KHDRBS3: variants seen among roughly 807,000 people sequenced by gnomAD.
KHDRBS3 encodes KH domain-containing, RNA-binding, signal transduction-associated protein 3.
A neutral mutation model predicts 45.6 loss-of-function variants in KHDRBS3; 23 were observed. The ratio of observed to expected loss-of-function variants is 0.50; its 90% CI spans 0.36 to 0.72. KHDRBS3 has a LOEUF of 0.72. Among genes scored for constraint, KHDRBS3 ranks in the 30% least tolerant of loss-of-function variants. The pLI is 0.00. For synonymous variants in KHDRBS3, 162 were observed against 156.5 expected (o/e 1.04, Z -0.26); for missense variants, 352 against 424.8 (o/e 0.83, Z 1.51).
At chr8:135,542,822 G>T (rs761152954) in intron 3 of KHDRBS3, 52 bp downstream of exon 3, 1 of 1,177,056 alleles carries the variant, frequency 8.5e-7, no homozygotes, top group South Asian at 1.3e-5. Context: ...TATATTATGT[G>T]CTCTTATATT....
At chr8:135,583,370 C>G (rs1239230079) in intron 6 of KHDRBS3, among the ~76,000 whole-genome samples, 1 of 152,164 alleles carries the variant, frequency 6.6e-6, no homozygotes, top group African/African-American at 2.4e-5. Flanking sequence ...GTTCCTACTT[C>G]CTAATAATCT....
intron 1 of KHDRBS3, among the ~76,000 whole-genome samples, chr8:135,459,108 T>C (rs1428645708): frequency 2.0e-5 from 3 of 152,202 alleles, no homozygotes; most frequent in Non-Finnish European, 4.4e-5. Flanking sequence ...TCGGATCTGC[T>C]GCTCTTAGTG....
intron 1 of KHDRBS3, among the ~76,000 whole-genome samples, chr8:135,468,905 T>G (rs1282431507): frequency 6.6e-6 from 1 of 152,238 alleles, no homozygotes; most frequent in Non-Finnish European, 1.5e-5. Context: ...AAACATAATG[T>G]GCACAATATG....
At chr8:135,613,806 A>C (rs893344735) in intron 7 of KHDRBS3, among the ~76,000 whole-genome samples, 2 of 151,654 alleles carry the variant, frequency 1.3e-5, no homozygotes, top group African/African-American at 2.4e-5. Flanking sequence ...TAAGACAGCA[A>C]GGCGGCCTGG....
intron 1 of KHDRBS3, among the ~76,000 whole-genome samples, chr8:135,514,850 C>T (rs1298392709): frequency 6.6e-6 from 1 of 152,118 alleles, no homozygotes; most frequent in South Asian, 2.1e-4. Flanking sequence ...GGCGGCAGAT[C>T]ATATATTTGT....
intron 7 of KHDRBS3, among the ~76,000 whole-genome samples, chr8:135,628,184 C>T (rs1830453625): frequency 6.6e-6 from 1 of 152,090 alleles, no homozygotes; most frequent in South Asian, 2.1e-4. Context: ...TGAGTTCCTA[C>T]AGAACTCTGG....
chr8:135,585,973 G>A (rs563656582), intron 6 of KHDRBS3, among the ~76,000 whole-genome samples: 4 of 152,304 alleles, frequency 2.6e-5, no homozygotes, highest in Admixed American at 2.6e-4. Flanking sequence ...CTAAGTTACT[G>A]TTGTCTTCTA....
intron 1 of KHDRBS3, among the ~76,000 whole-genome samples, chr8:135,461,087 T>A (rs1297843751): frequency 6.6e-6 from 1 of 152,184 alleles, no homozygotes; most frequent in African/African-American, 2.4e-5. Flanking sequence ...TAAATGAATT[T>A]GTTTCCCGAA....
chr8:135,634,969 A>G lies in KHDRBS3; in HGVS notation c.891-10090A>G, dbSNP rs112427470. ...TGGTTCTGAAAGTTTTTGATCTCACAATCCCTGTATACTTCATACTCTTAA... is the reference window on the plus strand; with the variant it reads ...TGGTTCTGAAAGTTTTTGATCTCACGATCCCTGTATACTTCATACTCTTAA... On this transcript the variant is annotated intron_variant, in intron 7 of 8. Transcript: ENST00000355849. Among the ~76,000 whole-genome samples the G allele has an allele frequency of 4.3e-3, 650 of 152,352 alleles. 11 individuals carry two copies. Among genetic ancestry groups the G allele is most frequent in the African/African-American group, 0.014 (593 of 41,592 alleles).
chr8:135,636,826 G>T (rs1045589847), intron 7 of KHDRBS3, among the ~76,000 whole-genome samples: 2 of 152,216 alleles, frequency 1.3e-5, no homozygotes, highest in African/African-American at 4.8e-5. Flanking sequence ...CATCAGAACT[G>T]GCCCCATGTA....
intron 1 of KHDRBS3, among the ~76,000 whole-genome samples, chr8:135,478,396 C>T (rs1480180533): frequency 6.6e-6 from 1 of 152,100 alleles, no homozygotes; most frequent in Non-Finnish European, 1.5e-5. Flanking sequence ...CTTCAATACC[C>T]CACTTTGAAT....
chr8:135,474,652 A>G (rs1822179252), intron 1 of KHDRBS3, among the ~76,000 whole-genome samples: 1 of 152,228 alleles, frequency 6.6e-6, no homozygotes, highest in South Asian at 2.1e-4. Flanking sequence ...TTATTTTAGA[A>G]TGAGGTGTAT....
At chr8:135,521,779 A>G (rs1824922021) in intron 2 of KHDRBS3, among the ~76,000 whole-genome samples, 1 of 152,168 alleles carries the variant, frequency 6.6e-6, no homozygotes, top group Non-Finnish European at 1.5e-5. Context: ...TGATTCTTGC[A>G]TACTGTTGTG....
At chr8:135,637,128 A>G (rs909783075) in intron 7 of KHDRBS3, among the ~76,000 whole-genome samples, 4 of 152,206 alleles carry the variant, frequency 2.6e-5, no homozygotes, top group Admixed American at 2.6e-4. Context: ...TCCTGGGGAA[A>G]TATTGTTAAA....
chr8:135,594,873 G>T (rs975294967), intron 6 of KHDRBS3, among the ~76,000 whole-genome samples: 1 of 152,190 alleles, frequency 6.6e-6, no homozygotes, highest in African/African-American at 2.4e-5. Flanking sequence ...CCAGGACCTA[G>T]CAGTGGGTAA....
chr8:135,601,479 A>G (rs543567583), intron 6 of KHDRBS3, among the ~76,000 whole-genome samples: 1 of 152,338 alleles, frequency 6.6e-6, no homozygotes, highest in South Asian at 2.1e-4. Context: ...AGAGCAGGCC[A>G]GAGACTTGCA....
At chr8:135,477,988 T>C (rs1404792415) in intron 1 of KHDRBS3, among the ~76,000 whole-genome samples, 2 of 152,140 alleles carry the variant, frequency 1.3e-5, no homozygotes, top group African/African-American at 4.8e-5. Context: ...TCCTGTCAGA[T>C]CAGCACCACC....
chr8:135,473,295 A>G (rs1822106688), intron 1 of KHDRBS3, among the ~76,000 whole-genome samples: 1 of 152,110 alleles, frequency 6.6e-6, no homozygotes, highest in Non-Finnish European at 1.5e-5. Context: ...CTTGGTTCAC[A>G]CTTTCCATTT....
At chr8:135,554,187 T>C (rs1363660920) in intron 4 of KHDRBS3, among the ~76,000 whole-genome samples, 1 of 152,196 alleles carries the variant, frequency 6.6e-6, no homozygotes, top group African/African-American at 2.4e-5. Flanking sequence ...TTTTCAAAGA[T>C]GATATCTTAA....
Sources: allele counts gnomAD v4.1 joint callset (sites outside exome capture counted in the v4.1 genomes callset), GRCh38; gene constraint gnomAD v4.1.1; transcripts MANE v1.5; gene names NCBI Gene and HGNC (gene_info 2026-07-23, HGNC 2026-07-21).